The following ABAT variants were observed in gnomAD, a reference collection of about 807,000 sequenced individuals.
ABAT encodes 4-aminobutyrate aminotransferase.
A neutral mutation model predicts 64.6 loss-of-function variants in ABAT; 45 were observed. The observed-to-expected ratio is 0.70, with a 90% CI of 0.55 to 0.89. The LOEUF (loss-of-function observed/expected upper bound fraction) is 0.89. Among genes scored for constraint, ABAT ranks in the 40% least tolerant of loss-of-function variants. The probability of loss-of-function intolerance (pLI) is 0.00; values close to 1 mark genes in which losing one functional copy is unlikely to be tolerated. For synonymous variants in ABAT, 297 were observed against 250.5 expected (o/e 1.19, Z -1.75); for missense variants, 633 against 658.4 (o/e 0.96, Z 0.42).
At chr16:8,769,124 G>A (rs914456763) in intron 11 of ABAT, 151 bp downstream of exon 11, 24 of 1,084,752 alleles carry the variant, frequency 2.2e-5, no homozygotes, top group South Asian at 1.6e-4. Flanking sequence ...GAGGCCTTGC[G>A]TCCCAAATGT....
At chr16:8,701,968 T>C (rs1488291944) in intron 1 of ABAT, among the ~76,000 whole-genome samples, 1 of 149,916 alleles carries the variant, frequency 6.7e-6, no homozygotes, top group Non-Finnish European at 1.5e-5. Context: ...GAGGTGTAGG[T>C]GTAGGGGGGT....
chr16:8,708,544 C>G (rs1252924138), intron 1 of ABAT, among the ~76,000 whole-genome samples: 1 of 152,116 alleles, frequency 6.6e-6, no homozygotes, highest in Non-Finnish European at 1.5e-5. Context: ...CAAGCAATCT[C>G]CCTGCCTCTG....
chr16:8,734,646 C>T lies in ABAT; in HGVS notation c.-41-1053C>T, dbSNP rs550853682. Among the ~76,000 whole-genome samples, 41 of 152,220 alleles carry T rather than the reference C, an allele frequency of 2.7e-4. No individual in the cohort carries two copies. In the South Asian group the frequency reaches 7.9e-3, roughly 29 times the overall value. On this transcript the variant is annotated intron_variant, in intron 1 of 15. Transcript: ENST00000268251. ...CAGCATGCGTCACACAGAAAGGACT[C>T]GGGAAACAGGGTCCATGAAGAGGAA...
intron 5 of ABAT, among the ~76,000 whole-genome samples, chr16:8,754,810 C>A (rs186918835): frequency 6.6e-6 from 1 of 151,942 alleles, no homozygotes; most frequent in East Asian, 1.9e-4. Context: ...CCTCTGCCCC[C>A]CTGGTTCAAG....
At chr16:8,724,839 T>C (rs975200468) in intron 1 of ABAT, among the ~76,000 whole-genome samples, 1 of 147,912 alleles carries the variant, frequency 6.8e-6, no homozygotes, top group South Asian at 2.1e-4. Flanking sequence ...GTGATCAGAG[T>C]GTGTCATTAC....
At chr16:8,774,838 T>A in intron 12 of ABAT, 52 bp from the exon 13 acceptor site, 1 of 1,609,922 alleles carries the variant, frequency 6.2e-7, no homozygotes, top group Middle Eastern at 2.2e-4. Context: ...GGGCATGAAT[T>A]TCTGGCCTCC....
intron 2 of ABAT, among the ~76,000 whole-genome samples, chr16:8,740,218 C>A (rs1020963146): frequency 6.6e-6 from 1 of 152,136 alleles, no homozygotes; most frequent in Non-Finnish European, 1.5e-5. Context: ...TATTGATTAT[C>A]TGCCGCCACG....
chr16:8,726,520 C>T (rs1242212806), intron 1 of ABAT, among the ~76,000 whole-genome samples: 1 of 152,132 alleles, frequency 6.6e-6, no homozygotes, highest in East Asian at 1.9e-4. Flanking sequence ...GCTGGGATTA[C>T]AGGTGTGAGC....
intron 4 of ABAT, among the ~76,000 whole-genome samples, chr16:8,749,539 C>T (rs920813788): frequency 6.6e-6 from 1 of 151,140 alleles, no homozygotes; most frequent in Non-Finnish European, 1.5e-5. Flanking sequence ...GCTGGGATTA[C>T]AGGTGCCCGC....
chr16:8,725,157 CT>C (rs2058509652), intron 1 of ABAT, among the ~76,000 whole-genome samples: 1 of 152,198 alleles, frequency 6.6e-6, no homozygotes, highest in Non-Finnish European at 1.5e-5. Context: ...CTCAGGTGAT[CT>C]ACCCGTCTCG....
intron 1 of ABAT, among the ~76,000 whole-genome samples, chr16:8,714,191 C>G (rs2058146478): frequency 6.6e-6 from 1 of 152,184 alleles, no homozygotes; most frequent in Non-Finnish European, 1.5e-5. Context: ...TATCAATAGG[C>G]TTGCAACACC....
chr16:8,705,930 G>A (rs765749988), intron 1 of ABAT, among the ~76,000 whole-genome samples: 2 of 152,174 alleles, frequency 1.3e-5, no homozygotes, highest in Non-Finnish European at 2.9e-5. Context: ...GCACACAGTG[G>A]AATCGCAACA....
At chr16:8,766,115 A>T in intron 8 of ABAT, 93 bp from the exon 9 acceptor site, 1 of 1,218,504 alleles carries the variant, frequency 8.2e-7, no homozygotes, top group Non-Finnish European at 1.2e-6. Flanking sequence ...AGCACTTTCT[A>T]CTTGTCTGGA....
chr16:8,719,633 T>A, intron 1 of ABAT, among the ~76,000 whole-genome samples: 1 of 152,158 alleles, frequency 6.6e-6, no homozygotes, highest in Non-Finnish European at 1.5e-5. Context: ...GACCACCGCA[T>A]GTGCCAATAG....
At chr16:8,746,138 GA>G (rs774294339) in intron 3 of ABAT, 40 bp downstream of exon 3, 39 of 1,522,032 alleles carry the variant, frequency 2.6e-5, no homozygotes, top group Non-Finnish European at 3.2e-5. Flanking sequence ...TTGGAAAAGG[GA>G]AAAAGGCGCC....
At chr16:8,689,225 AT>A (rs1284419114) in intron 1 of ABAT, among the ~76,000 whole-genome samples, 1 of 152,066 alleles carries the variant, frequency 6.6e-6, no homozygotes, top group Non-Finnish European at 1.5e-5. Flanking sequence ...ATCATGATTA[AT>A]TTTTTCCTAC....
intron 1 of ABAT, among the ~76,000 whole-genome samples, chr16:8,712,478 A>C (rs2058098923): frequency 6.6e-6 from 1 of 152,186 alleles, no homozygotes; most frequent in Non-Finnish European, 1.5e-5. Context: ...TTTCATAAAA[A>C]ATCATGGGAA....
Position 8,781,531 on chromosome 16 carries a change from A to C in ABAT, c.*101A>C. On this transcript the variant is annotated 3_prime_UTR_variant, in exon 16 of 16. Coordinates refer to ENST00000268251, the MANE Select transcript of ABAT (RefSeq NM_020686.6). This position sits in a 1 kb window ranked among gnomAD's most constrained non-coding sequence, Gnocchi z 4.5. ...TTTCACTTAAAAGTATCAGAGGTGA[A>C]TGCACAGTGAAGGGTGATTTGTGGG... 1 of 1,323,362 alleles carries C rather than the reference A, an allele frequency of 7.6e-7. No homozygotes were observed. The highest frequency in any genetic ancestry group is 1.0e-6 in the Non-Finnish European group (1 of 982,236). The allele number at this position is 1,323,362 out of a possible 1,614,324, so 82.0% of individuals were successfully genotyped here. A position where few individuals can be genotyped will look rare whatever the true frequency, so the allele number is the denominator to read the frequency against.
chr16:8,778,188 G>A (rs1432609496), intron 14 of ABAT, among the ~76,000 whole-genome samples: 4 of 152,140 alleles, frequency 2.6e-5, no homozygotes, highest in Admixed American at 6.5e-5. Context: ...CTAGGCACCT[G>A]CATTTGTTTC....
Sources: gnomAD v4.1 joint callset for allele counts (sites outside exome capture counted in the v4.1 genomes callset) on GRCh38, gnomAD v4.1.1 for gene constraint, Gnocchi (gnomAD v3.1) non-coding constraint, MANE v1.5 for transcripts, NCBI Gene and HGNC (gene_info 2026-07-23, HGNC 2026-07-21) for gene names.